Variants in SOX6 observed in about 807,000 individuals in gnomAD.
SOX6 encodes transcription factor SOX-6.
SOX6 carries 11 observed loss-of-function variants against 97.8 expected under a neutral mutation model. The observed-to-expected ratio is 0.11, with a 90% CI of 0.07 to 0.19. The LOEUF (loss-of-function observed/expected upper bound fraction) is 0.19, where lower values mean the gene tolerates loss of function less well. Among genes scored for constraint, SOX6 ranks in the 10% least tolerant of loss-of-function variants. SOX6 has a pLI of 1.00. For synonymous variants in SOX6, 360 were observed against 371.4 expected, an observed-to-expected ratio of 0.97 and a Z score of 0.35; for missense variants, 810 against 1,039.5, an observed-to-expected ratio of 0.78 and a Z score of 3.04.
Position 16,013,087 on chromosome 11 carries a change from T to C in SOX6, c.1732+1855A>G, listed in dbSNP as rs372135405. Among the ~76,000 whole-genome samples the C allele has an allele frequency of 2.0e-5, 3 of 151,960 alleles. No homozygotes were observed. In the East Asian group the frequency reaches 5.8e-4, roughly 30 times the overall value. On this transcript the variant is annotated intron_variant, in intron 13 of 15. Transcript: ENST00000683767. ...GCACATGATATCACTAACTAGGTAA[T>C]GACATTACTGAGAGATAACTGACTA...
chr11:16,572,188 GA>G (rs777309005), intron 4 of SOX6, among the ~76,000 whole-genome samples: 48 of 152,120 alleles, frequency 3.2e-4, no homozygotes, highest in Admixed American at 5.9e-4. Context: ...GTAGCAAAAG[GA>G]AAACTAAAAT....
chr11:16,661,544 T>A (rs1847765724), intron 3 of SOX6, among the ~76,000 whole-genome samples: 1 of 152,122 alleles, frequency 6.6e-6, no homozygotes. Flanking sequence ...CCTTCCCTGG[T>A]CTTTTTTTTC....
intron 6 of SOX6, among the ~76,000 whole-genome samples, chr11:16,179,791 G>A (rs1265437051): frequency 6.6e-6 from 1 of 151,890 alleles, no homozygotes; most frequent in African/African-American, 2.4e-5. Flanking sequence ...ATTCTTAAGA[G>A]ATCGTTGTTT....
At chr11:16,243,122 A>G (rs988121866) in intron 3 of SOX6, among the ~76,000 whole-genome samples, 1 of 151,928 alleles carries the variant, frequency 6.6e-6, no homozygotes, top group African/African-American at 2.4e-5. Flanking sequence ...TTGATTCATC[A>G]CTTCAAACAT....
At chr11:16,254,070 G>A (rs1411426617) in intron 3 of SOX6, among the ~76,000 whole-genome samples, 1 of 151,758 alleles carries the variant, frequency 6.6e-6, no homozygotes, top group African/African-American at 2.4e-5. Flanking sequence ...ACAAGAATAT[G>A]GAGTGAAATA....
Position 15,972,988 on chromosome 11 carries a change from C to T in SOX6, c.2308G>A (p.Glu770Lys). The T allele has an allele frequency of 6.2e-7, 1 of 1,614,186 alleles. No homozygotes were observed. Among genetic ancestry groups the T allele is most frequent in the Non-Finnish European group, 8.5e-7 (1 of 1,180,026 alleles). The change falls in exon 16 of 16, where the codon GAG becomes AAG. Residue 770 changes from glutamate (E) to lysine (K), a missense_variant. Physicochemically the swap from Glu to Lys is moderately conservative, Grantham distance 56. Around this residue, in one of 9 missense-constraint regions of SOX6, gnomAD observed 122 missense variants for 153.4 expected, o/e 0.80. Coordinates refer to ENST00000683767, the MANE Select transcript of SOX6 (RefSeq NM_001367873.1). ...SDCSSTSASP[E>K]PSLPVIQSTY... Reference sequence around the variant, plus strand: ...CTCTGGATGACCGGGAGGCTGGGCTCCGGGCTGGCCGAGGTGCTAGAGCAG... The same window carrying T: ...CTCTGGATGACCGGGAGGCTGGGCTTCGGGCTGGCCGAGGTGCTAGAGCAG...
chr11:16,731,803 G>A (rs1426381319), intron 2 of SOX6, among the ~76,000 whole-genome samples: 1 of 152,218 alleles, frequency 6.6e-6, no homozygotes, highest in Non-Finnish European at 1.5e-5. Flanking sequence ...AAGTCAGATT[G>A]TCTCTGTTTG....
intron 4 of SOX6, among the ~76,000 whole-genome samples, chr11:16,552,799 T>C (rs1847703806): frequency 6.6e-6 from 1 of 152,182 alleles, no homozygotes; most frequent in South Asian, 2.1e-4. Context: ...AGATTATCTG[T>C]GCCATAAACA....
At chr11:16,362,151 G>T (rs781216815) in intron 1 of SOX6, among the ~76,000 whole-genome samples, 9 of 152,060 alleles carry the variant, frequency 5.9e-5, no homozygotes, top group Non-Finnish European at 1.5e-5. Flanking sequence ...TCTCAAAGAA[G>T]AAAAGGGAAA....
chr11:16,011,952 T>C (rs1215585019), intron 13 of SOX6, among the ~76,000 whole-genome samples: 1 of 152,060 alleles, frequency 6.6e-6, no homozygotes, highest in Non-Finnish European at 1.5e-5. Context: ...TAATTATGTA[T>C]GTACATATTT....
chr11:16,044,962 ATCTG>A (rs774276903), intron 12 of SOX6, among the ~76,000 whole-genome samples: 91 of 139,924 alleles, frequency 6.5e-4, no homozygotes, highest in African/African-American at 2.1e-3. Flanking sequence ...CTATCTGTCT[ATCTG>A]TCTATCTATC....
intron 3 of SOX6, among the ~76,000 whole-genome samples, chr11:16,637,678 C>T (rs1848811353): frequency 6.6e-6 from 1 of 152,078 alleles, no homozygotes; most frequent in Admixed American, 6.5e-5. Context: ...GCCTTATTTC[C>T]TTCTCATCTA....
chr11:16,141,821 T>C (rs746137179), intron 6 of SOX6, among the ~76,000 whole-genome samples: 26 of 152,018 alleles, frequency 1.7e-4, no homozygotes, highest in Non-Finnish European at 2.9e-4. Flanking sequence ...TGCCTGCCAT[T>C]GCTGAGCCTT....
At chr11:16,660,761 C>T (rs1266006026) in intron 3 of SOX6, among the ~76,000 whole-genome samples, 2 of 152,208 alleles carry the variant, frequency 1.3e-5, no homozygotes, top group African/African-American at 4.8e-5. Context: ...CCGCCTTGCC[C>T]TTCCACCATG....
At chr11:16,509,790 G>T (rs887391780) in intron 4 of SOX6, among the ~76,000 whole-genome samples, 9 of 151,866 alleles carry the variant, frequency 5.9e-5, no homozygotes, top group Non-Finnish European at 7.4e-5. Context: ...CATACACTTT[G>T]GGAATATTTA....
intron 6 of SOX6, among the ~76,000 whole-genome samples, chr11:16,120,179 TTCTC>T (rs140697324): frequency 7.4e-5 from 9 of 122,376 alleles, no homozygotes; most frequent in Middle Eastern, 3.7e-3. Context: ...GCTCTCTCTC[TTCTC>T]TCTCTCTCTC....
intron 4 of SOX6, among the ~76,000 whole-genome samples, chr11:16,514,300 G>C (rs755864132): frequency 1.3e-5 from 2 of 151,482 alleles, no homozygotes; most frequent in African/African-American, 4.8e-5. Flanking sequence ...TAGAGACAAC[G>C]GAGGAGTTAT....
intron 1 of SOX6, among the ~76,000 whole-genome samples, chr11:16,398,660 A>AT (rs1473873646): frequency 6.0e-5 from 9 of 150,610 alleles, no homozygotes; most frequent in South Asian, 2.1e-4. Context: ...CTTACCCTAG[A>AT]TTTTTTTTTC....
chr11:16,326,954 C>A (rs1265726600), intron 2 of SOX6, among the ~76,000 whole-genome samples: 1 of 152,178 alleles, frequency 6.6e-6, no homozygotes. Context: ...TACTCTAGCT[C>A]TACATGACCT....
Sources: allele counts gnomAD v4.1 joint callset (sites outside exome capture counted in the v4.1 genomes callset), GRCh38; gene constraint gnomAD v4.1.1; regional missense constraint gnomAD v4.1.1; transcripts MANE v1.5; gene names NCBI Gene and HGNC (gene_info 2026-07-23, HGNC 2026-07-21).